TOLLIP: variants seen among roughly 807,000 people sequenced by gnomAD.
TOLLIP encodes the protein toll-interacting protein.
In TOLLIP, 16 loss-of-function variants were observed where a neutral mutation model predicts 33.5. That is an observed-to-expected ratio of 0.48 (90% CI 0.32 to 0.72). TOLLIP has a LOEUF of 0.72. Ranked by LOEUF, TOLLIP falls within the 30% of genes least tolerant of loss-of-function variation. The probability of loss-of-function intolerance (pLI) is 0.03; values close to 1 mark genes in which losing one functional copy is unlikely to be tolerated. For missense variants in TOLLIP, 325 were observed against 396.6 expected (o/e 0.82, Z 1.53); for synonymous variants, 176 against 163.7 (o/e 1.07, Z -0.57).
In TOLLIP at chr11:1,290,389, G is replaced by A. The variant is rs757362731; in HGVS notation, c.204C>T (p.Tyr68=). ...TVVQAKLAKN[Y]GMTRMDPYCR... ...AGTAGGGGTCCATGCGGGTCATGCCGTAATTCTTGGCCAACTTTGCCTGGA... is the reference window on the plus strand; with the variant it reads ...AGTAGGGGTCCATGCGGGTCATGCCATAATTCTTGGCCAACTTTGCCTGGA... The change falls in exon 3 of 6, where the codon TAC becomes TAT. Residue 68 remains tyrosine, a synonymous_variant. Transcript: ENST00000317204. The surrounding 1 kb of genome is among the most constrained non-coding windows in gnomAD (Gnocchi z 4.9). 133 of 1,610,744 alleles carry A rather than the reference G, an allele frequency of 8.3e-5. No individual in the cohort carries two copies. Among genetic ancestry groups the A allele is most frequent in the African/African-American group, 9.3e-5 (7 of 74,892 alleles).
At position 1,276,606 on chromosome 11, in the gene TOLLIP, A is replaced by C. The variant is rs1199677238; in HGVS notation, c.*433T>G. On this transcript the variant is annotated 3_prime_UTR_variant, in exon 6 of 6. Transcript: ENST00000317204. ...TTTCGTCTGGGAAGTTCTAAAAAAA[A>C]CCCACAGTGTGAGGGATTGTGTGTG... 2.0e-5 allele frequency: 24 copies of C among 1,214,744 alleles called. No individual in the cohort carries two copies. The highest frequency in any genetic ancestry group is 1.5e-4 in the South Asian group (12 of 78,018). The allele number at this position is 1,214,744 out of a possible 1,614,324, so 75.2% of individuals were successfully genotyped here.
rs956375943 is a variant in TOLLIP, at chr11:1,276,708, C to G, written c.*331G>C. On this transcript the variant is annotated 3_prime_UTR_variant, in exon 6 of 6. Transcript: ENST00000317204. ...ATGGAATCGGAAGGCGCTCCACCACCTCCAACACCCTGGCAGAAGCAGCTG... is the reference window on the plus strand; with the variant it reads ...ATGGAATCGGAAGGCGCTCCACCACGTCCAACACCCTGGCAGAAGCAGCTG... The G allele has an allele frequency of 1.8e-5, 26 of 1,425,698 alleles. No individual in the cohort carries two copies. The highest frequency in any genetic ancestry group is 2.1e-5 in the Admixed American group (1 of 47,414). 88.3% of individuals were successfully genotyped at this position (1,425,698 alleles called of 1,614,324 possible). A position where few individuals can be genotyped will look rare whatever the true frequency, so the allele number is the denominator to read the frequency against.
At chr11:1,289,505 G>T in intron 3 of TOLLIP, among the ~76,000 whole-genome samples, 1 of 152,220 alleles carries the variant, frequency 6.6e-6, no homozygotes, top group Non-Finnish European at 1.5e-5. Context: ...ACCCTCAAGG[G>T]TCACGACCAT....
intron 1 of TOLLIP, among the ~76,000 whole-genome samples, chr11:1,297,130 A>C (rs1202780577): frequency 2.0e-5 from 3 of 152,104 alleles, no homozygotes; most frequent in African/African-American, 2.4e-5. Context: ...TGGAACCTGG[A>C]ACCCTCGGTG....
rs534716321 is a variant in TOLLIP at position 1,277,921 on chromosome 11, C to T, written c.611-668G>A. ...ACTCAAACAAGTGGGGCAGCAGGTG[C>T]GGTGTACAGTGGACCCTCAGTGCAC... is the stretch of plus-strand genomic sequence containing the variant. On this transcript the variant is annotated intron_variant, in intron 5 of 5. Transcript: ENST00000317204. This position sits in a 1 kb window ranked among gnomAD's most constrained non-coding sequence, Gnocchi z 4.2. Among the ~76,000 whole-genome samples the T allele has an allele frequency of 5.6e-4, 86 of 152,292 alleles. No homozygotes were observed. Among genetic ancestry groups the T allele is most frequent in the African/African-American group, 1.7e-3 (71 of 41,562 alleles).
chr11:1,281,178 C>CT (rs1273573481), intron 5 of TOLLIP, among the ~76,000 whole-genome samples: 1 of 152,194 alleles, frequency 6.6e-6, no homozygotes, highest in Non-Finnish European at 1.5e-5. Flanking sequence ...CAAAATAATA[C>CT]TTTGTTTAAA....
In TOLLIP at chr11:1,276,926, A is replaced by AG. The variant is rs1246782222; in HGVS notation, c.*112dup. ...ACGGGGCGGCACAGAAGTCCACGGG[A>AG]GGGGGCGACACGGGTGCTCTTTCAC... On this transcript the variant is annotated 3_prime_UTR_variant, in exon 6 of 6. Coordinates refer to ENST00000317204, the MANE Select transcript of TOLLIP (RefSeq NM_019009.4). The AG allele has an allele frequency of 1.3e-6, 2 of 1,574,916 alleles. No homozygotes were observed. Among genetic ancestry groups the AG allele is most frequent in the Non-Finnish European group, 1.7e-6 (2 of 1,160,128 alleles).
At position 1,303,496 on chromosome 11, in the gene TOLLIP, G is replaced by A. The variant is rs1232029767; in HGVS notation, c.33+5970C>T. Among the ~76,000 whole-genome samples, 1 of 152,228 alleles carries A rather than the reference G, an allele frequency of 6.6e-6. No individual in the cohort carries two copies. The highest frequency in any genetic ancestry group is 2.4e-5 in the African/African-American group (1 of 41,460). On this transcript the variant is annotated intron_variant, in intron 1 of 5. Coordinates refer to ENST00000317204, the MANE Select transcript of TOLLIP (RefSeq NM_019009.4). This position sits in a 1 kb window ranked among gnomAD's most constrained non-coding sequence, Gnocchi z 4.2. ...TACACGTGAGTGGAAGAAGACAAAC[G>A]GGAAGCATCATGAGTTATGCTGTAT...
intron 1 of TOLLIP, among the ~76,000 whole-genome samples, chr11:1,300,719 C>T (rs5743911): frequency 0.6 from 91,504 of 152,022 alleles, 29,114 homozygotes; most frequent in Non-Finnish European, 0.73. Context: ...CAGCTCAGCC[C>T]AGGACGTGGA....
At chr11:1,284,032 C>T (rs968468670) in intron 5 of TOLLIP, among the ~76,000 whole-genome samples, 4 of 152,236 alleles carry the variant, frequency 2.6e-5, no homozygotes, top group African/African-American at 9.6e-5. Context: ...GACCCCACGA[C>T]GGCGGCTCTG....
chr11:1,277,542 G>C lies in TOLLIP; in HGVS notation c.611-289C>G, dbSNP rs150673853. 6.6e-6 allele frequency among the ~76,000 whole-genome samples: 1 copy of C among 152,098 alleles called. No homozygotes were observed. The highest frequency in any genetic ancestry group is 1.9e-4 in the East Asian group (1 of 5,190). ...AAGTTTGATCTTTCAAATCTCACCC[G>C]AGTCTGTTTTATAACTAGCAGGCTG... On this transcript the variant is annotated intron_variant, in intron 5 of 5. Coordinates refer to ENST00000317204, the MANE Select transcript of TOLLIP (RefSeq NM_019009.4). This position sits in a 1 kb window ranked among gnomAD's most constrained non-coding sequence, Gnocchi z 4.2.
intron 2 of TOLLIP, among the ~76,000 whole-genome samples, chr11:1,293,181 G>C (rs2133911691): frequency 6.6e-6 from 1 of 152,352 alleles, no homozygotes; most frequent in East Asian, 1.9e-4. Flanking sequence ...TCAGCTTCCA[G>C]AGTGTGGGGC....
In TOLLIP at chr11:1,277,230, C is replaced by T. The variant is rs374648737; in HGVS notation, c.634G>A (p.Gly212Ser). 1.5e-5 allele frequency: 24 copies of T among 1,579,712 alleles called. No individual in the cohort carries two copies. The highest frequency in any genetic ancestry group is 1.4e-4 in the East Asian group (6 of 44,156). ...GGGGGCAGGGCCACGGGCACCATGC[C>T]GGGGCTACAGACAGCGGGCATCCCT... Reference protein sequence around the residue: ...ITGMPAVCSPGMVPVALPPAA... With the variant: ...ITGMPAVCSPSMVPVALPPAA... Residue 212 changes from glycine to serine, a missense_variant, in exon 6 of 6, where the codon GGC (glycine) becomes AGC (serine). Gly to Ser is a moderately conservative substitution (Grantham distance 56, BLOSUM62 0). Transcript: ENST00000317204. The surrounding 1 kb of genome is among the most constrained non-coding windows in gnomAD (Gnocchi z 4.2).
chr11:1,309,387 T>C, intron 1 of TOLLIP, 79 bp downstream of exon 1: 1 of 810,362 alleles, frequency 1.2e-6, no homozygotes, highest in Non-Finnish European at 1.6e-6. Context: ...CAGCCGCAGC[T>C]GAGCAGTAGC....
At chr11:1,282,537 A>C (rs1863535680) in intron 5 of TOLLIP, among the ~76,000 whole-genome samples, 1 of 152,140 alleles carries the variant, frequency 6.6e-6, no homozygotes, top group African/African-American at 2.4e-5. Context: ...ATGATGAGTC[A>C]ATGGGTCCGG....
intron 1 of TOLLIP, among the ~76,000 whole-genome samples, chr11:1,306,807 TC>T (rs1172261577): frequency 2.6e-5 from 4 of 151,724 alleles, no homozygotes. Flanking sequence ...AGCTCCTGCC[TC>T]CCTCCATCCT....
chr11:1,291,685 G>A (rs1195212780), intron 2 of TOLLIP: 1 of 162,256 alleles, frequency 6.2e-6, no homozygotes, highest in Admixed American at 6.6e-5. Flanking sequence ...CCCCGCTGAG[G>A]GCACGGCCGC....
Position 1,274,796 on chromosome 11 carries a change from C to G in TOLLIP, c.*2243G>C, listed in dbSNP as rs1352695008. Reference sequence around the variant, plus strand: ...AGCTCCCAAACCCACTGCAGCCTCCCCTTGTGAGCTGGCAGACAAGCCTGT... The same window carrying G: ...AGCTCCCAAACCCACTGCAGCCTCCGCTTGTGAGCTGGCAGACAAGCCTGT... On this transcript the variant is annotated 3_prime_UTR_variant, in exon 6 of 6. Coordinates refer to ENST00000317204, the MANE Select transcript of TOLLIP (RefSeq NM_019009.4). 6.6e-6 allele frequency: 1 copy of G among 152,200 alleles called. No homozygotes were observed. Among genetic ancestry groups the G allele is most frequent in the African/African-American group, 2.4e-5 (1 of 41,434 alleles). 9.4% of individuals were successfully genotyped at this position (152,200 alleles called of 1,614,324 possible). A position where few individuals can be genotyped will look rare whatever the true frequency, so the allele number is the denominator to read the frequency against.
chr11:1,279,225 C>T (rs888254847), intron 5 of TOLLIP, among the ~76,000 whole-genome samples: 4 of 152,220 alleles, frequency 2.6e-5, no homozygotes, highest in South Asian at 2.1e-4. Context: ...CCCAACAGCA[C>T]GGCCCCAACA....
Sources: gnomAD v4.1 joint callset for allele counts (sites outside exome capture counted in the v4.1 genomes callset) on GRCh38, gnomAD v4.1.1 for gene constraint, Gnocchi (gnomAD v3.1) non-coding constraint, MANE v1.5 for transcripts, NCBI Gene and HGNC (gene_info 2026-07-23, HGNC 2026-07-21) for gene names.